Variants in SORL1 observed in about 807,000 individuals in gnomAD.
The protein encoded by SORL1 is sortilin-related receptor.
A neutral mutation model predicts 273.7 loss-of-function variants in SORL1; 127 were observed. That is an observed-to-expected ratio of 0.46 (90% CI 0.40 to 0.54). The LOEUF (loss-of-function observed/expected upper bound fraction) is 0.54. SORL1 is among the 20% of genes least tolerant of loss of function. The pLI is 0.00. For missense variants in SORL1, 2,494 were observed against 2,846.1 expected (o/e 0.88, Z 2.81); for synonymous variants, 1,031 against 1,067.4 (o/e 0.97, Z 0.66).
intron 40 of SORL1, chr11:121,614,616 A>T: frequency 2.6e-6 from 1 of 378,570 alleles, no homozygotes; most frequent in Non-Finnish European, 4.7e-6. Flanking sequence ...GGCTTCCAGG[A>T]GCGTTGTACC....
At chr11:121,499,673 T>TA (rs779697569) in intron 6 of SORL1, among the ~76,000 whole-genome samples, 15 of 152,236 alleles carry the variant, frequency 9.9e-5, no homozygotes, top group African/African-American at 1.4e-4. Context: ...ACGACAAGGA[T>TA]AAACAAAGTT....
chr11:121,589,122 G>A, intron 28 of SORL1, 137 bp from the exon 29 acceptor site: 2 of 875,728 alleles, frequency 2.3e-6, no homozygotes, highest in Non-Finnish European at 3.7e-6. Flanking sequence ...TTTGGCTTTT[G>A]CTTTCAAGGC....
At chr11:121,612,854 G>A in intron 40 of SORL1, 22 bp downstream of exon 40, 1 of 1,561,760 alleles carries the variant, frequency 6.4e-7, no homozygotes, top group South Asian at 1.1e-5. Flanking sequence ...GTGCTGGTCA[G>A]TGTGTGTGCA....
At chr11:121,592,350 G>T (rs1201927693) in intron 31 of SORL1, among the ~76,000 whole-genome samples, 1 of 152,152 alleles carries the variant, frequency 6.6e-6, no homozygotes, top group South Asian at 2.1e-4. Flanking sequence ...ATCGCCTGGG[G>T]TGTTTATAAA....
chr11:121,564,529 GA>G (rs1354301104), intron 21 of SORL1, among the ~76,000 whole-genome samples: 1 of 152,048 alleles, frequency 6.6e-6, no homozygotes, highest in African/African-American at 2.4e-5. Context: ...TGATCCCTGT[GA>G]AAAAAATCAT....
intron 32 of SORL1, among the ~76,000 whole-genome samples, chr11:121,601,710 C>T (rs1281275930): frequency 6.6e-6 from 1 of 151,952 alleles, no homozygotes; most frequent in African/African-American, 2.4e-5. Flanking sequence ...ACTACCGCAC[C>T]CAGCTTACTT....
intron 31 of SORL1, among the ~76,000 whole-genome samples, chr11:121,592,188 G>A (rs552066622): frequency 6.6e-5 from 10 of 152,288 alleles, no homozygotes; most frequent in African/African-American, 2.4e-4. Context: ...AGGAACTCCT[G>A]TACCCTCAAC....
At chr11:121,482,689 G>A (rs756502650) in intron 3 of SORL1, among the ~76,000 whole-genome samples, 3 of 152,236 alleles carry the variant, frequency 2.0e-5, no homozygotes, top group African/African-American at 4.8e-5. Flanking sequence ...ACAGCAGGGC[G>A]CTCTGCCTAG....
intron 24 of SORL1, among the ~76,000 whole-genome samples, chr11:121,576,609 C>T (rs1267595549): frequency 6.6e-6 from 1 of 152,210 alleles, no homozygotes; most frequent in Non-Finnish European, 1.5e-5. Flanking sequence ...CAGCCTATAG[C>T]ATTCTGTCTT....
chr11:121,561,633 TA>T (rs149168544), intron 21 of SORL1, among the ~76,000 whole-genome samples: 2,045 of 145,034 alleles, frequency 0.014, 26 homozygotes, highest in East Asian at 0.075. Flanking sequence ...AGGCTGCAGT[TA>T]GCCAAGGTCG....
chr11:121,509,973 A>G (rs1008212351), intron 6 of SORL1, among the ~76,000 whole-genome samples: 1 of 152,210 alleles, frequency 6.6e-6, no homozygotes, highest in Non-Finnish European at 1.5e-5. Context: ...AAAAATACAA[A>G]TTTTGACTTA....
chr11:121,615,803 GC>G (rs1335201031), intron 41 of SORL1, among the ~76,000 whole-genome samples: 1 of 152,196 alleles, frequency 6.6e-6, no homozygotes, highest in East Asian at 1.9e-4. Flanking sequence ...TTACTGAGCA[GC>G]CAGTAAGTGC....
chr11:121,607,322 G>A, intron 37 of SORL1, 32 bp downstream of exon 37: 1 of 1,300,046 alleles, frequency 7.7e-7, no homozygotes, highest in Non-Finnish European at 1.1e-6. Context: ...AGCCATCCAT[G>A]CAGTCTTAGA....
chr11:121,452,443 G>T lies in SORL1; in HGVS notation c.112G>T (p.Gly38Cys). ...AGTCTGGACGCAGAGGCTGCACGGC[G>T]GCAGCGCGCCCTTGCCCCAGGACCG... ...CEVWTQRLHGGSAPLPQDRGF... is the reference protein window; with the variant it reads ...CEVWTQRLHGCSAPLPQDRGF... The change falls in exon 1 of 48, where the codon GGC becomes TGC. Residue 38 changes from glycine (G) to cysteine (C), a missense_variant. Around this residue, in one of 3 missense-constraint regions of SORL1, gnomAD observed 175 missense variants for 147.1 expected, o/e 1.19. Coordinates refer to ENST00000260197, the MANE Select transcript of SORL1 (RefSeq NM_003105.6). The surrounding 1 kb of genome is among the most constrained non-coding windows in gnomAD (Gnocchi z 5.3). 1 of 1,498,988 alleles carries T rather than the reference G, an allele frequency of 6.7e-7. No individual in the cohort carries two copies. Among genetic ancestry groups the T allele is most frequent in the Non-Finnish European group, 8.9e-7 (1 of 1,127,970 alleles). 92.9% of individuals were successfully genotyped at this position (1,498,988 alleles called of 1,614,324 possible). A position where few individuals can be genotyped will look rare whatever the true frequency, so the allele number is the denominator to read the frequency against.
intron 4 of SORL1, among the ~76,000 whole-genome samples, chr11:121,489,262 C>T (rs867754802): frequency 6.6e-6 from 1 of 152,136 alleles, no homozygotes; most frequent in African/African-American, 2.4e-5. Flanking sequence ...TGTTTTGACC[C>T]TTTTAAGCAT....
chr11:121,521,634 G>GA (rs1862043178), intron 9 of SORL1, among the ~76,000 whole-genome samples: 1 of 152,194 alleles, frequency 6.6e-6, no homozygotes, highest in African/African-American at 2.4e-5. Context: ...TCAATGAATA[G>GA]ACTTCCTTGC....
Position 121,550,940 on chromosome 11 carries a change from G to T in SORL1, c.2266+270G>T, listed in dbSNP as rs900007825. Among the ~76,000 whole-genome samples, 1 of 152,158 alleles carries T rather than the reference G, an allele frequency of 6.6e-6. No individual in the cohort carries two copies. The highest frequency in any genetic ancestry group is 1.5e-5 in the Non-Finnish European group (1 of 68,024). ...TTGTTAATTGAAAAATATTTATTCA[G>T]CATCCACTGGGGTAGAAAGATCCCC... On this transcript the variant is annotated intron_variant, in intron 16 of 47. Coordinates refer to ENST00000260197, the MANE Select transcript of SORL1 (RefSeq NM_003105.6). The surrounding 1 kb of genome is among the most constrained non-coding windows in gnomAD (Gnocchi z 5.3).
At position 121,574,334 on chromosome 11, in the gene SORL1, G is replaced by A. The variant is rs772916938; in HGVS notation, c.3431G>A (p.Cys1144Tyr). ...LSYKCDLEDD[C>Y]GDNSDESHCE... Reference sequence around the variant, plus strand: ...TATAAATGTGACCTTGAGGATGACTGTGGAGACAACAGTGATGAAAGTCAT... The same window carrying A: ...TATAAATGTGACCTTGAGGATGACTATGGAGACAACAGTGATGAAAGTCAT... Residue 1144 changes from cysteine (C) to tyrosine (Y), a missense_variant, in exon 24 of 48, where the codon TGT becomes TAT. Coordinates refer to ENST00000260197, the MANE Select transcript of SORL1 (RefSeq NM_003105.6). 1.2e-6 allele frequency: 2 copies of A among 1,613,658 alleles called. No homozygotes were observed. The highest frequency in any genetic ancestry group is 1.7e-6 in the Non-Finnish European group (2 of 1,179,590).
At chr11:121,555,730 T>G (rs752808951) in intron 18 of SORL1, among the ~76,000 whole-genome samples, 1 of 152,110 alleles carries the variant, frequency 6.6e-6, no homozygotes, top group Non-Finnish European at 1.5e-5. Context: ...TCGATTAGAG[T>G]GATAGCAACA....
Sources: gnomAD v4.1 joint callset for allele counts (sites outside exome capture counted in the v4.1 genomes callset) on GRCh38, gnomAD v4.1.1 for gene constraint, gnomAD v4.1.1 regional missense constraint, Gnocchi (gnomAD v3.1) non-coding constraint, MANE v1.5 for transcripts, NCBI Gene and HGNC (gene_info 2026-07-23, HGNC 2026-07-21) for gene names.